COG2: variants seen among roughly 807,000 people sequenced by gnomAD.
The protein encoded by COG2 is conserved oligomeric Golgi complex subunit 2.
Under a neutral mutation model 90.6 loss-of-function variants are expected in COG2, and 52 were observed. The ratio of observed to expected loss-of-function variants is 0.57; its 90% CI spans 0.46 to 0.72. COG2 has a LOEUF of 0.72. Ranked by LOEUF, COG2 falls within the 30% of genes least tolerant of loss-of-function variation. COG2 has a pLI of 0.00. For missense variants in COG2, 829 were observed against 891.2 expected, an observed-to-expected ratio of 0.93 and a Z score of 0.89; for synonymous variants, 337 against 320.4, an observed-to-expected ratio of 1.05 and a Z score of -0.55.
At chr1:230,644,495 G>T (rs1376900696) in intron 1 of COG2, among the ~76,000 whole-genome samples, 1 of 152,224 alleles carries the variant, frequency 6.6e-6, no homozygotes, top group African/African-American at 2.4e-5. Flanking sequence ...GTACGTGTGA[G>T]AAAGTTGGGA....
chr1:230,659,672 C>G, intron 2 of COG2, 47 bp downstream of exon 2: 1 of 1,564,502 alleles, frequency 6.4e-7, no homozygotes, highest in Non-Finnish European at 8.7e-7. Flanking sequence ...CAATTTCTTT[C>G]TCACTCATAC....
At chr1:230,665,955 C>A (rs879876034) in intron 5 of COG2, among the ~76,000 whole-genome samples, 1 of 152,124 alleles carries the variant, frequency 6.6e-6, no homozygotes, top group Non-Finnish European at 1.5e-5. Context: ...TTTTTCATGC[C>A]AGCTTTCTCC....
intron 1 of COG2, among the ~76,000 whole-genome samples, chr1:230,652,580 G>T (rs1328036095): frequency 1.3e-5 from 2 of 152,134 alleles, no homozygotes; most frequent in Admixed American, 1.3e-4. Flanking sequence ...GAGCACAATT[G>T]GCAAGACTCT....
intron 1 of COG2, among the ~76,000 whole-genome samples, chr1:230,653,359 T>G (rs1214138670): frequency 6.6e-6 from 1 of 151,492 alleles, no homozygotes; most frequent in Non-Finnish European, 1.5e-5. Flanking sequence ...TAACTGGGAG[T>G]ACAGGCACAT....
intron 1 of COG2, among the ~76,000 whole-genome samples, chr1:230,648,698 T>C (rs1661845409): frequency 6.6e-6 from 1 of 152,238 alleles, no homozygotes; most frequent in Non-Finnish European, 1.5e-5. Context: ...TATTTCTTTG[T>C]TCAAAGTTAG....
chr1:230,657,068 A>G (rs1345885874), intron 1 of COG2, among the ~76,000 whole-genome samples: 1 of 152,152 alleles, frequency 6.6e-6, no homozygotes, highest in Non-Finnish European at 1.5e-5. Context: ...GTCTGTTTAC[A>G]CTTAAGGTTA....
chr1:230,666,172 T>C (rs563273782), intron 5 of COG2, among the ~76,000 whole-genome samples: 2 of 152,334 alleles, frequency 1.3e-5, no homozygotes, highest in East Asian at 3.9e-4. Flanking sequence ...AACTGAGCTC[T>C]CATCTTCTTT....
intron 17 of COG2, 76 bp from the exon 18 acceptor site, chr1:230,693,216 A>G: frequency 6.8e-6 from 6 of 876,210 alleles, no homozygotes; most frequent in Non-Finnish European, 1.1e-5. Context: ...GAGGATGAAG[A>G]TTTTCTTTCT....
chr1:230,691,321 T>G, intron 16 of COG2, 63 bp from the exon 17 acceptor site: 1 of 1,414,034 alleles, frequency 7.1e-7, no homozygotes, highest in South Asian at 1.5e-5. Context: ...ACAAAGCCAG[T>G]TACTCTATTT....
Position 230,675,321 on chromosome 1 carries a change from A to G in COG2, c.1026+197A>G, listed in dbSNP as rs138850625. 6.0e-3 allele frequency among the ~76,000 whole-genome samples: 910 copies of G among 152,324 alleles called. 8 individuals are homozygous for G. The highest frequency in any genetic ancestry group is 0.021 in the African/African-American group (871 of 41,578). On this transcript the variant is annotated intron_variant, in intron 9 of 17. Transcript: ENST00000366669. The stretch of plus-strand genomic sequence containing the variant: ...GTATGATACTTTTAGGAATAAGAAC[A>G]TTTTCATTTTATAATATAAAGTATA...
chr1:230,653,933 A>G (rs973111275), intron 1 of COG2, among the ~76,000 whole-genome samples: 5 of 148,952 alleles, frequency 3.4e-5, no homozygotes, highest in African/African-American at 7.4e-5. Flanking sequence ...CCTCATGACC[A>G]CTTCTTAAAG....
At chr1:230,649,676 A>G (rs1246687920) in intron 1 of COG2, among the ~76,000 whole-genome samples, 1 of 151,860 alleles carries the variant, frequency 6.6e-6, no homozygotes, top group African/African-American at 2.4e-5. Context: ...GTGATTATTT[A>G]TTTATTTATT....
intron 1 of COG2, among the ~76,000 whole-genome samples, chr1:230,645,091 C>T (rs1003341591): frequency 6.6e-6 from 1 of 151,776 alleles, no homozygotes; most frequent in Non-Finnish European, 1.5e-5. Context: ...AAAAATTAGC[C>T]AGGTGTGGTG....
At chr1:230,662,317 C>A (rs1662200485) in intron 3 of COG2, among the ~76,000 whole-genome samples, 2 of 152,190 alleles carry the variant, frequency 1.3e-5, no homozygotes, top group Non-Finnish European at 2.9e-5. Flanking sequence ...CTATTTCTAT[C>A]TTGTTCACCA....
At chr1:230,673,635 G>A (rs1286127275) in intron 8 of COG2, among the ~76,000 whole-genome samples, 1 of 152,114 alleles carries the variant, frequency 6.6e-6, no homozygotes, top group Non-Finnish European at 1.5e-5. Flanking sequence ...TCAATTTTGT[G>A]CTTTCTTTCT....
intron 1 of COG2, among the ~76,000 whole-genome samples, chr1:230,645,646 TTATTTC>T (rs1172612012): frequency 2.6e-5 from 4 of 152,186 alleles, no homozygotes; most frequent in African/African-American, 9.7e-5. Context: ...ATTGTACACT[TTATTTC>T]TATAATTATT....
At chr1:230,664,268 A>T (rs1662260780) in intron 4 of COG2, among the ~76,000 whole-genome samples, 2 of 152,150 alleles carry the variant, frequency 1.3e-5, no homozygotes, top group Non-Finnish European at 2.9e-5. Context: ...AAAAATTCTG[A>T]AATTGTGATA....
intron 1 of COG2, among the ~76,000 whole-genome samples, chr1:230,644,409 A>T (rs1661709297): frequency 6.6e-6 from 1 of 152,190 alleles, no homozygotes; most frequent in African/African-American, 2.4e-5. Flanking sequence ...GGCAGAAAGG[A>T]TGGTTGGAAC....
rs748550486 is a variant in COG2 at position 230,679,071 on chromosome 1, G to GC, written c.1166+24dup. The GC allele has an allele frequency of 1.5e-5, 24 of 1,606,200 alleles. No homozygotes were observed. The highest frequency in any genetic ancestry group is 2.0e-5 in the Non-Finnish European group (23 of 1,174,440). ...AAATAAGGTTGGTCATCTATTCACC[G>GC]CCCCCGCCCCGCACCCTTCTAAAAC... On this transcript the variant is annotated intron_variant, in intron 10 of 17. Coordinates refer to ENST00000366669, the MANE Select transcript of COG2 (RefSeq NM_007357.3).
Sources: gnomAD v4.1 joint callset for allele counts (sites outside exome capture counted in the v4.1 genomes callset) on GRCh38, gnomAD v4.1.1 for gene constraint, MANE v1.5 for transcripts, NCBI Gene and HGNC (gene_info 2026-07-23, HGNC 2026-07-21) for gene names.